The following KCNAB1 variants were observed in gnomAD, a reference collection of about 807,000 sequenced individuals.
The protein encoded by KCNAB1 is voltage-gated potassium channel subunit beta-1.
In KCNAB1, 35 loss-of-function variants were observed where a neutral mutation model predicts 64.6. That is an observed-to-expected ratio of 0.54 (90% CI 0.41 to 0.72). KCNAB1 has a LOEUF of 0.72. Ranked by LOEUF, KCNAB1 falls within the 30% of genes least tolerant of loss-of-function variation. The pLI is 0.00. For synonymous variants in KCNAB1, 177 were observed against 183.8 expected (o/e 0.96, Z 0.30); for missense variants, 401 against 512.9 (o/e 0.78, Z 2.11).
intron 1 of KCNAB1, among the ~76,000 whole-genome samples, chr3:156,228,137 A>G (rs1484107786): frequency 6.6e-6 from 1 of 152,032 alleles, no homozygotes; most frequent in South Asian, 2.1e-4. Context: ...CTGTTCATTC[A>G]TTCCATTCCA....
chr3:156,426,395 A>C (rs1715819532), intron 2 of KCNAB1, among the ~76,000 whole-genome samples: 1 of 152,216 alleles, frequency 6.6e-6, no homozygotes, highest in South Asian at 2.1e-4. Flanking sequence ...CCCTATCCCT[A>C]CACATGCATA....
chr3:156,345,585 GT>G (rs1724432368), intron 1 of KCNAB1, among the ~76,000 whole-genome samples: 1 of 152,242 alleles, frequency 6.6e-6, no homozygotes, highest in Non-Finnish European at 1.5e-5. Flanking sequence ...GGGCTGATAA[GT>G]TAGCCCATGT....
At chr3:156,248,454 G>T (rs1717597053) in intron 1 of KCNAB1, among the ~76,000 whole-genome samples, 1 of 148,150 alleles carries the variant, frequency 6.7e-6, no homozygotes. Flanking sequence ...CATAGTTGTG[G>T]AGGCCTGTAA....
chr3:156,457,171 C>T (rs1576890788), intron 3 of KCNAB1: 1 of 1,180,808 alleles, frequency 8.5e-7, no homozygotes, highest in South Asian at 2.5e-5. Flanking sequence ...GTTGTCAAAC[C>T]AGCTCTTCCC....
chr3:156,283,316 G>A (rs1430576701), intron 1 of KCNAB1, among the ~76,000 whole-genome samples: 20 of 151,298 alleles, frequency 1.3e-4, no homozygotes, highest in South Asian at 4.2e-4. Flanking sequence ...TGGCTTGTAG[G>A]GTTTCTGCTG....
At chr3:156,201,148 C>G (rs572834243) in intron 1 of KCNAB1, among the ~76,000 whole-genome samples, 4 of 152,324 alleles carry the variant, frequency 2.6e-5, no homozygotes, top group African/African-American at 7.2e-5. Flanking sequence ...GCTGCACCCA[C>G]TATCTAACCA....
intron 1 of KCNAB1, among the ~76,000 whole-genome samples, chr3:156,312,477 C>T (rs893073324): frequency 4.8e-4 from 73 of 151,934 alleles, no homozygotes; most frequent in African/African-American, 1.5e-3. Flanking sequence ...TTCGGGAGGC[C>T]GAGGCGGGTG....
chr3:156,224,352 C>A (rs1425655307), intron 1 of KCNAB1, among the ~76,000 whole-genome samples: 1 of 152,242 alleles, frequency 6.6e-6, no homozygotes, highest in South Asian at 2.1e-4. Flanking sequence ...CCGGCCTTGG[C>A]CAGCCCAGAA....
chr3:156,228,862 G>T (rs1716345757), intron 1 of KCNAB1, among the ~76,000 whole-genome samples: 1 of 152,186 alleles, frequency 6.6e-6, no homozygotes, highest in Non-Finnish European at 1.5e-5. Context: ...TTTGTAGGCT[G>T]GTTATTTCCC....
chr3:156,280,377 A>C (rs1481663349), intron 1 of KCNAB1, among the ~76,000 whole-genome samples: 2 of 151,610 alleles, frequency 1.3e-5, no homozygotes, highest in African/African-American at 4.9e-5. Context: ...GTAGCGTTGT[A>C]GTATAGTTTG....
At chr3:156,526,928 A>T (rs1576979068) in intron 12 of KCNAB1, among the ~76,000 whole-genome samples, 1 of 152,224 alleles carries the variant, frequency 6.6e-6, no homozygotes, top group Non-Finnish European at 1.5e-5. Flanking sequence ...CACTAACCCA[A>T]TGAGATAAAA....
intron 1 of KCNAB1, among the ~76,000 whole-genome samples, chr3:156,127,930 C>T (rs925470030): frequency 3.4e-5 from 5 of 145,022 alleles, no homozygotes; most frequent in Non-Finnish European, 6.1e-5. Flanking sequence ...CACGTGCGTG[C>T]GCACCTGGTT....
intron 1 of KCNAB1, among the ~76,000 whole-genome samples, chr3:156,395,372 C>A (rs1330543097): frequency 6.7e-6 from 1 of 148,892 alleles, no homozygotes; most frequent in Admixed American, 6.6e-5. Context: ...GGTGAAACCC[C>A]GTCTCTACTA....
intron 2 of KCNAB1, among the ~76,000 whole-genome samples, chr3:156,443,168 C>G (rs1717129555): frequency 6.6e-6 from 1 of 152,154 alleles, no homozygotes; most frequent in South Asian, 2.1e-4. Flanking sequence ...GCACCACATG[C>G]ATTAGCTATT....
At chr3:156,361,493 A>G (rs1319204762) in intron 1 of KCNAB1, among the ~76,000 whole-genome samples, 1 of 152,042 alleles carries the variant, frequency 6.6e-6, no homozygotes, top group Non-Finnish European at 1.5e-5. Context: ...AATAATATAT[A>G]CACACACATA....
intron 1 of KCNAB1, among the ~76,000 whole-genome samples, chr3:156,179,086 C>G (rs2108341729): frequency 6.7e-6 from 1 of 149,824 alleles, no homozygotes; most frequent in South Asian, 2.1e-4. Flanking sequence ...TCCAGTGATT[C>G]TTTGAGAATC....
At chr3:156,370,853 C>T (rs1474619879) in intron 1 of KCNAB1, among the ~76,000 whole-genome samples, 2 of 152,278 alleles carry the variant, frequency 1.3e-5, no homozygotes, top group African/African-American at 2.4e-5. Context: ...GTAGGAGAAC[C>T]GCCTTACACA....
chr3:156,132,336 T>G (rs1244573368), intron 1 of KCNAB1, among the ~76,000 whole-genome samples: 1 of 152,222 alleles, frequency 6.6e-6, no homozygotes, highest in Admixed American at 6.5e-5. Flanking sequence ...CTGTAGATGG[T>G]CATCTGATAT....
At position 156,516,971 on chromosome 3, in the gene KCNAB1, C is replaced by G. The variant is rs146096559; in HGVS notation, c.960+607C>G. On this transcript the variant is annotated intron_variant, in intron 11 of 13. Transcript: ENST00000490337. Reference sequence around the variant, plus strand: ...TCATTGACACAAAATTACCTCCATTCAGGACATCTTGATGACTAATTTATT... The same window carrying G: ...TCATTGACACAAAATTACCTCCATTGAGGACATCTTGATGACTAATTTATT... 2.4e-4 allele frequency among the ~76,000 whole-genome samples: 37 copies of G among 152,346 alleles called. No individual in the cohort carries two copies. In the East Asian group the frequency reaches 6.9e-3, roughly 29 times the overall value.
Sources: gnomAD v4.1 joint callset for allele counts (sites outside exome capture counted in the v4.1 genomes callset) on GRCh38, gnomAD v4.1.1 for gene constraint, MANE v1.5 for transcripts, NCBI Gene and HGNC (gene_info 2026-07-23, HGNC 2026-07-21) for gene names.